Variants in CFAP299 observed in about 807,000 individuals in gnomAD.
CFAP299 encodes cilia and flagella associated protein 299.
Under a neutral mutation model 27.0 loss-of-function variants are expected in CFAP299, and 21 were observed. That is an observed-to-expected ratio of 0.78 (90% confidence interval 0.55 to 1.12). The LOEUF is 1.12. Among genes scored for constraint, CFAP299 ranks in the 50% most tolerant of loss-of-function variants. The probability of loss-of-function intolerance (pLI) is 0.00; values close to 1 mark genes in which losing one functional copy is unlikely to be tolerated. For synonymous variants in CFAP299, 104 were observed against 98.1 expected (o/e 1.06, Z -0.36); for missense variants, 310 against 276.6 (o/e 1.12, Z -0.86).
chr4:80,457,704 T>A (rs1333409209), intron 2 of CFAP299, among the ~76,000 whole-genome samples: 1 of 152,124 alleles, frequency 6.6e-6, no homozygotes, highest in Non-Finnish European at 1.5e-5. Flanking sequence ...TATAACCACA[T>A]GCTACTGTAG....
intron 3 of CFAP299, among the ~76,000 whole-genome samples, chr4:80,805,920 C>T (rs1728841967): frequency 6.6e-6 from 1 of 151,798 alleles, no homozygotes; most frequent in Non-Finnish European, 1.5e-5. Context: ...AAGACACTGT[C>T]TTAAAACAAT....
chr4:80,702,465 G>A (rs575284699), intron 3 of CFAP299, among the ~76,000 whole-genome samples: 16 of 151,988 alleles, frequency 1.1e-4, no homozygotes, highest in Non-Finnish European at 1.9e-4. Flanking sequence ...CTTACCAAAT[G>A]TCTGAAATGT....
At chr4:80,355,915 C>T (rs1407244705) in intron 1 of CFAP299, among the ~76,000 whole-genome samples, 1 of 152,078 alleles carries the variant, frequency 6.6e-6, no homozygotes, top group South Asian at 2.1e-4. Context: ...TTTGCTTATG[C>T]CTATGTCCTG....
chr4:80,676,928 TA>T (rs1189717153), intron 3 of CFAP299, among the ~76,000 whole-genome samples: 1 of 152,078 alleles, frequency 6.6e-6, no homozygotes, highest in Non-Finnish European at 1.5e-5. Context: ...TGTATTTTTT[TA>T]GTGTCAATTT....
chr4:80,346,856 C>A (rs1722756262), intron 1 of CFAP299, among the ~76,000 whole-genome samples: 1 of 152,132 alleles, frequency 6.6e-6, no homozygotes, highest in Admixed American at 6.5e-5. Flanking sequence ...CTATAAATTA[C>A]CTTGGGCAGT....
chr4:80,947,370 A>G (rs1737530091), intron 5 of CFAP299, among the ~76,000 whole-genome samples: 1 of 152,192 alleles, frequency 6.6e-6, no homozygotes, highest in Admixed American at 6.6e-5. Context: ...TAGTAGACTT[A>G]TGAAAAGAAA....
intron 3 of CFAP299, among the ~76,000 whole-genome samples, chr4:80,646,260 A>C (rs773751915): frequency 6.6e-6 from 1 of 152,182 alleles, no homozygotes; most frequent in Non-Finnish European, 1.5e-5. Context: ...TTTGTTAAAT[A>C]AAAGAAAAAG....
At chr4:80,563,346 T>C (rs1190855579) in intron 2 of CFAP299, among the ~76,000 whole-genome samples, 1 of 152,090 alleles carries the variant, frequency 6.6e-6, no homozygotes, top group Non-Finnish European at 1.5e-5. Context: ...ATATCAAGCA[T>C]CTTCTCTGAC....
chr4:80,837,809 T>C (rs1347862952), intron 3 of CFAP299, among the ~76,000 whole-genome samples: 1 of 152,168 alleles, frequency 6.6e-6, no homozygotes, highest in Non-Finnish European at 1.5e-5. Flanking sequence ...CTGGGTCAAA[T>C]GGTATTTCTG....
chr4:80,717,805 C>T (rs1328929062), intron 3 of CFAP299, among the ~76,000 whole-genome samples: 1 of 151,966 alleles, frequency 6.6e-6, no homozygotes, highest in African/African-American at 2.4e-5. Context: ...CTCATTTTAT[C>T]CTCTTAATTG....
chr4:80,955,039 C>A lies in CFAP299; in HGVS notation c.607-8478C>A, dbSNP rs1213337432. Among the ~76,000 whole-genome samples the A allele has an allele frequency of 6.0e-5, 7 of 115,958 alleles. 2 individuals are homozygous for A. The highest frequency in any genetic ancestry group is 2.9e-4 in the South Asian group (1 of 3,394). The allele number at this position is 115,958 out of a possible 152,430, so 76.1% of individuals were successfully genotyped here. Reference sequence around the variant, plus strand: ...AAAAAAAAAAAAAAAAAAAAACGCACACATGGCCATATACAGAGTAGTATA... The same window carrying A: ...AAAAAAAAAAAAAAAAAAAAACGCAAACATGGCCATATACAGAGTAGTATA... On this transcript the variant is annotated intron_variant, in intron 5 of 5. Coordinates refer to ENST00000358105, the MANE Select transcript of CFAP299 (RefSeq NM_152770.3).
chr4:80,846,885 A>T (rs1303757493), intron 3 of CFAP299, among the ~76,000 whole-genome samples: 1 of 152,158 alleles, frequency 6.6e-6, no homozygotes, highest in African/African-American at 2.4e-5. Flanking sequence ...CGCTACTGAG[A>T]ATGCCTCTGT....
At chr4:80,541,431 C>T (rs1469839193) in intron 2 of CFAP299, among the ~76,000 whole-genome samples, 1 of 152,004 alleles carries the variant, frequency 6.6e-6, no homozygotes, top group Non-Finnish European at 1.5e-5. Flanking sequence ...GTACAAGAAC[C>T]TTAGGATATT....
chr4:80,442,263 G>A (rs1459685495), intron 2 of CFAP299, among the ~76,000 whole-genome samples: 1 of 151,988 alleles, frequency 6.6e-6, no homozygotes, highest in Non-Finnish European at 1.5e-5. Flanking sequence ...TACATTCTTA[G>A]CACCACATAG....
At chr4:80,895,701 A>G (rs1029903883) in intron 4 of CFAP299, among the ~76,000 whole-genome samples, 3 of 152,050 alleles carry the variant, frequency 2.0e-5, no homozygotes, top group Non-Finnish European at 4.4e-5. Flanking sequence ...TGTCAAAGCT[A>G]TATAGGAGCA....
chr4:80,600,995 G>T (rs943192580), intron 3 of CFAP299, among the ~76,000 whole-genome samples: 2 of 152,058 alleles, frequency 1.3e-5, no homozygotes, highest in Non-Finnish European at 2.9e-5. Flanking sequence ...GCTTCATATG[G>T]TGTCTGTATT....
intron 3 of CFAP299, among the ~76,000 whole-genome samples, chr4:80,817,603 C>A (rs897505127): frequency 2.6e-5 from 4 of 151,946 alleles, no homozygotes; most frequent in African/African-American, 9.7e-5. Context: ...TTCCATTAGA[C>A]TGGAAGCTTC....
At chr4:80,353,668 C>T (rs1723117653) in intron 1 of CFAP299, among the ~76,000 whole-genome samples, 1 of 152,102 alleles carries the variant, frequency 6.6e-6, no homozygotes, top group Admixed American at 6.6e-5. Flanking sequence ...GGAGGTCAAA[C>T]AAATTGTTGT....
chr4:80,864,559 A>G (rs1732605644), intron 3 of CFAP299, among the ~76,000 whole-genome samples: 1 of 148,386 alleles, frequency 6.7e-6, no homozygotes, highest in Non-Finnish European at 1.5e-5. Flanking sequence ...TATATATATA[A>G]TAACTAAAAC....
Sources: allele counts gnomAD v4.1 joint callset (sites outside exome capture counted in the v4.1 genomes callset), GRCh38; gene constraint gnomAD v4.1.1; transcripts MANE v1.5; gene names NCBI Gene and HGNC (gene_info 2026-07-23, HGNC 2026-07-21).